Variants in FGGY observed in about 807,000 individuals in gnomAD.
The protein encoded by FGGY is FGGY carbohydrate kinase domain containing.
Under a neutral mutation model 71.3 loss-of-function variants are expected in FGGY, and 72 were observed. The ratio of observed to expected loss-of-function variants is 1.01; its 90% CI spans 0.84 to 1.23. The LOEUF (loss-of-function observed/expected upper bound fraction) is 1.23, where lower values mean the gene tolerates loss of function less well. FGGY is among the 50% of genes most tolerant of loss of function. The probability of loss-of-function intolerance (pLI) is 0.00; values close to 1 mark genes in which losing one functional copy is unlikely to be tolerated. For synonymous variants in FGGY, 251 were observed against 250.3 expected (o/e 1.00, Z -0.02); for missense variants, 668 against 682.3 (o/e 0.98, Z 0.23).
chr1:59,473,662 A>G (rs537428773), intron 6 of FGGY, among the ~76,000 whole-genome samples: 2 of 152,312 alleles, frequency 1.3e-5, no homozygotes, highest in East Asian at 1.9e-4. Context: ...GATAGAGTTT[A>G]TGGGGGGCTA....
intron 13 of FGGY, 30 bp from the exon 14 acceptor site, chr1:59,674,009 C>T: frequency 1.2e-6 from 2 of 1,604,154 alleles, no homozygotes; most frequent in Non-Finnish European, 1.7e-6. Flanking sequence ...GCTCTGCTCC[C>T]TAACCAAGGT....
At chr1:59,651,394 T>G (rs1237975608) in intron 11 of FGGY, among the ~76,000 whole-genome samples, 5 of 148,936 alleles carry the variant, frequency 3.4e-5, no homozygotes, top group African/African-American at 1.3e-4. Flanking sequence ...TCTAAGTCTC[T>G]TTGTAGGTCA....
At chr1:59,515,814 C>A (rs371710369) in intron 7 of FGGY, among the ~76,000 whole-genome samples, 3 of 152,284 alleles carry the variant, frequency 2.0e-5, no homozygotes, top group African/African-American at 7.2e-5. Context: ...AATTAAACAT[C>A]CTATTCTTCC....
At chr1:59,312,844 G>A (rs1222864063) in intron 1 of FGGY, among the ~76,000 whole-genome samples, 1 of 152,162 alleles carries the variant, frequency 6.6e-6, no homozygotes, top group Non-Finnish European at 1.5e-5. Context: ...GATTCTTGTG[G>A]CTGCCACATT....
chr1:59,426,360 C>A lies in FGGY; in HGVS notation c.555-30601C>A, dbSNP rs149915901. On this transcript the variant is annotated intron_variant, in intron 5 of 15. Transcript: ENST00000303721. Reference sequence around the variant, plus strand: ...CCTGGAAGGCTTGTCATTAGGGTATCCAGGGTGGGAAGGGGAGTGAAGGGA... The same window carrying A: ...CCTGGAAGGCTTGTCATTAGGGTATACAGGGTGGGAAGGGGAGTGAAGGGA... 3.0e-3 allele frequency among the ~76,000 whole-genome samples: 450 copies of A among 151,812 alleles called. 2 individuals carry two copies. The highest frequency in any genetic ancestry group is 5.0e-3 in the Admixed American group (77 of 15,262).
chr1:59,441,954 C>T (rs944272406), intron 5 of FGGY, among the ~76,000 whole-genome samples: 1 of 152,174 alleles, frequency 6.6e-6, no homozygotes, highest in Non-Finnish European at 1.5e-5. Context: ...AACTCCTACT[C>T]ATATTTCAGG....
At chr1:59,482,310 G>A (rs1419128254) in intron 6 of FGGY, among the ~76,000 whole-genome samples, 1 of 152,118 alleles carries the variant, frequency 6.6e-6, no homozygotes, top group Admixed American at 6.6e-5. Flanking sequence ...AGAACCTCCT[G>A]TGGGCTCGGG....
chr1:59,568,715 G>T lies in FGGY; in HGVS notation c.903+14488G>T. ...GTTTAATAGATTATGACTCCTCTGGGCCTTCACAGCTGTTTATGCATAGCT... is the reference window on the plus strand; with the variant it reads ...GTTTAATAGATTATGACTCCTCTGGTCCTTCACAGCTGTTTATGCATAGCT... On this transcript the variant is annotated intron_variant, in intron 8 of 15. Coordinates refer to ENST00000303721, the MANE Select transcript of FGGY (RefSeq NM_018291.5). 2.6e-5 allele frequency among the ~76,000 whole-genome samples: 4 copies of T among 152,160 alleles called. No individual in the cohort carries two copies. The Middle Eastern group carries it at 0.01, about 388-fold the overall frequency.
intron 8 of FGGY, among the ~76,000 whole-genome samples, chr1:59,576,673 GACAGACACAC>G (rs1235883864): frequency 6.0e-5 from 8 of 132,406 alleles, no homozygotes; most frequent in Admixed American, 2.3e-4. Flanking sequence ...CAGACAGACA[GACAGACACAC>G]ACACACACAC....
At chr1:59,309,080 A>T (rs903552864) in intron 1 of FGGY, among the ~76,000 whole-genome samples, 4 of 152,144 alleles carry the variant, frequency 2.6e-5, no homozygotes, top group Admixed American at 2.6e-4. Context: ...TTAGAAGTTA[A>T]ACTGTTGGGT....
chr1:59,489,323 C>T lies in FGGY; in HGVS notation c.671-22988C>T, dbSNP rs769018040. 1.5e-3 allele frequency among the ~76,000 whole-genome samples: 222 copies of T among 152,052 alleles called. 2 individuals carry two copies. Among genetic ancestry groups the T allele is most frequent in the Admixed American group, 2.7e-3 (41 of 15,244 alleles). On this transcript the variant is annotated intron_variant, in intron 6 of 15. Transcript: ENST00000303721. The stretch of plus-strand genomic sequence containing the variant: ...ATAGAATACTAGAACTTATTACTCG[C>T]ATCTAGCTGTAATTTTGTGTTTTTT...
intron 6 of FGGY, among the ~76,000 whole-genome samples, chr1:59,482,634 G>GTGTATATATA (rs144699610): frequency 1.1e-3 from 169 of 147,538 alleles, no homozygotes; most frequent in Non-Finnish European, 1.6e-3. Flanking sequence ...GTGTCTGTGT[G>GTGTATATATA]TATATATATA....
intron 6 of FGGY, among the ~76,000 whole-genome samples, chr1:59,477,919 G>A (rs2093332004): frequency 6.6e-6 from 1 of 152,210 alleles, no homozygotes; most frequent in Admixed American, 6.5e-5. Flanking sequence ...TTGACTCAGA[G>A]CTGGGGATGG....
intron 7 of FGGY, among the ~76,000 whole-genome samples, chr1:59,553,021 A>G (rs2153704142): frequency 6.6e-6 from 1 of 152,314 alleles, no homozygotes; most frequent in African/African-American, 2.4e-5. Flanking sequence ...CGTCTGTCCT[A>G]GAGGGTCAGG....
chr1:59,675,885 G>T (rs1054078467), intron 14 of FGGY, among the ~76,000 whole-genome samples: 1 of 152,130 alleles, frequency 6.6e-6, no homozygotes, highest in Non-Finnish European at 1.5e-5. Flanking sequence ...GAGCTAATTA[G>T]GGTTAGATGA....
intron 5 of FGGY, among the ~76,000 whole-genome samples, chr1:59,400,709 T>C (rs1028914463): frequency 6.6e-6 from 1 of 152,072 alleles, no homozygotes; most frequent in African/African-American, 2.4e-5. Context: ...AATTCCCAAA[T>C]AGAATGTTAC....
chr1:59,543,598 T>C (rs2095478241), intron 7 of FGGY, among the ~76,000 whole-genome samples: 1 of 152,222 alleles, frequency 6.6e-6, no homozygotes, highest in Admixed American at 6.5e-5. Flanking sequence ...GAAGTTTCTG[T>C]TGCAACCGAA....
intron 4 of FGGY, among the ~76,000 whole-genome samples, chr1:59,373,436 G>A (rs1457279206): frequency 1.3e-5 from 2 of 152,200 alleles, no homozygotes; most frequent in Admixed American, 1.3e-4. Flanking sequence ...AACATTCCAT[G>A]CTCATGGATA....
chr1:59,394,986 C>A (rs1194384400), intron 5 of FGGY, among the ~76,000 whole-genome samples: 2 of 151,814 alleles, frequency 1.3e-5, no homozygotes, highest in African/African-American at 4.8e-5. Context: ...GCCCTTTTTT[C>A]TGCTTGTCAA....
Sources: allele counts gnomAD v4.1 joint callset (sites outside exome capture counted in the v4.1 genomes callset), GRCh38; gene constraint gnomAD v4.1.1; transcripts MANE v1.5; gene names NCBI Gene and HGNC (gene_info 2026-07-23, HGNC 2026-07-21).